Variants in PLEKHA6 observed in about 807,000 individuals in gnomAD.
PLEKHA6 encodes pleckstrin homology domain containing A6, also known as pleckstrin homology domain-containing family A member 6.
In PLEKHA6, 60 loss-of-function variants were observed where a neutral mutation model predicts 116.7. The observed-to-expected ratio is 0.51, with a 90% CI of 0.42 to 0.64. The LOEUF (loss-of-function observed/expected upper bound fraction) is 0.64, where lower values mean the gene tolerates loss of function less well. Among genes scored for constraint, PLEKHA6 ranks in the 30% least tolerant of loss-of-function variants. PLEKHA6 has a pLI of 0.00. For missense variants in PLEKHA6, 1,338 were observed against 1,422.7 expected, an observed-to-expected ratio of 0.94 and a Z score of 0.96; for synonymous variants, 489 against 556.1, an observed-to-expected ratio of 0.88 and a Z score of 1.70.
At chr1:204,248,394 T>A (rs917667177) in intron 12 of PLEKHA6, among the ~76,000 whole-genome samples, 1 of 151,982 alleles carries the variant, frequency 6.6e-6, no homozygotes, top group Non-Finnish European at 1.5e-5. Context: ...CCTCAGGTGA[T>A]CCACCCGCCT....
intron 17 of PLEKHA6, among the ~76,000 whole-genome samples, chr1:204,232,799 G>T (rs995401079): frequency 6.6e-6 from 1 of 152,138 alleles, no homozygotes; most frequent in Non-Finnish European, 1.5e-5. Flanking sequence ...AGTCTCTGTG[G>T]TCCCAGAGGG....
chr1:204,228,228 A>G lies in PLEKHA6; in HGVS notation c.2886T>C (p.Ser962=), dbSNP rs117391770. 5.9e-4 allele frequency: 938 copies of G among 1,599,148 alleles called. 9 individuals carry two copies. In the East Asian group the frequency reaches 0.015, roughly 26 times the overall value. The change falls in exon 21 of 23, where the codon AGT becomes AGC. Residue 962 remains serine, a splice_region_variant and synonymous_variant. Coordinates refer to ENST00000272203, the MANE Select transcript of PLEKHA6 (RefSeq NM_014935.5). The surrounding 1 kb of genome is among the most constrained non-coding windows in gnomAD (Gnocchi z 4.0). ...ERIKTLIAKS[S]MQNVVPIGEG... is the part of the protein sequence containing the mutation. ...CGCCGATGGGCACCACGTTCTGCATACTGAAGAGGCACAGACACACAGAAA... is the reference window on the plus strand; with the variant it reads ...CGCCGATGGGCACCACGTTCTGCATGCTGAAGAGGCACAGACACACAGAAA...
chr1:204,233,179 TTC>T (rs1260636881), intron 17 of PLEKHA6, among the ~76,000 whole-genome samples: 3 of 124,872 alleles, frequency 2.4e-5, no homozygotes, highest in Non-Finnish European at 4.9e-5. Flanking sequence ...TTCTTTTTTT[TTC>T]TTTTTCTTTT....
chr1:204,344,505 CAGG>C (rs1672959654), intron 1 of PLEKHA6, among the ~76,000 whole-genome samples: 1 of 149,616 alleles, frequency 6.7e-6, no homozygotes, highest in Admixed American at 6.7e-5. Context: ...GAGGCTGAGG[CAGG>C]AGAATTGCTT....
intron 5 of PLEKHA6, among the ~76,000 whole-genome samples, chr1:204,266,208 G>C (rs1297286266): frequency 6.6e-6 from 1 of 152,188 alleles, no homozygotes; most frequent in Non-Finnish European, 1.5e-5. Context: ...AGAGTAGTAG[G>C]AGGCACTTGG....
At chr1:204,310,214 G>C (rs2103149874) in intron 1 of PLEKHA6, among the ~76,000 whole-genome samples, 1 of 152,196 alleles carries the variant, frequency 6.6e-6, no homozygotes, top group Middle Eastern at 3.4e-3. Flanking sequence ...GCATAGATGA[G>C]AGATAGATCG....
At chr1:204,286,910 C>T (rs1558140791) in intron 1 of PLEKHA6, among the ~76,000 whole-genome samples, 1 of 152,206 alleles carries the variant, frequency 6.6e-6, no homozygotes, top group African/African-American at 2.4e-5. Flanking sequence ...CCTGCTGGGT[C>T]TAGTGGCTGG....
At chr1:204,322,355 G>A (rs780596728) in intron 1 of PLEKHA6, among the ~76,000 whole-genome samples, 9 of 152,182 alleles carry the variant, frequency 5.9e-5, no homozygotes, top group Non-Finnish European at 1.0e-4. Flanking sequence ...TAAACTGGAT[G>A]ACTTTAGTCC....
rs73075567 is a variant in PLEKHA6 at position 204,277,301 on chromosome 1, T to C, written c.-94-2492A>G. ...TGGTATTCGGCCAGAATGCTACTGG[T>C]CAGAGGACTGGAGGCAGAATAAACA... On this transcript the variant is annotated intron_variant, in intron 1 of 22. Transcript: ENST00000272203. The surrounding 1 kb of genome is among the most constrained non-coding windows in gnomAD (Gnocchi z 4.1). Among the ~76,000 whole-genome samples, 6,376 of 152,090 alleles carry C rather than the reference T, an allele frequency of 0.042. 425 individuals carry two copies. Among genetic ancestry groups the C allele is most frequent in the African/African-American group, 0.14 (5,808 of 41,460 alleles).
intron 12 of PLEKHA6, among the ~76,000 whole-genome samples, chr1:204,248,021 G>A (rs1406052838): frequency 6.6e-6 from 1 of 152,104 alleles, no homozygotes; most frequent in East Asian, 1.9e-4. Flanking sequence ...ATTATTCAGA[G>A]GTTAGAGAGC....
At position 204,277,062 on chromosome 1, in the gene PLEKHA6, CAG is replaced by C. The variant is rs1668093324; in HGVS notation, c.-94-2255_-94-2254del. On this transcript the variant is annotated intron_variant, in intron 1 of 22. Coordinates refer to ENST00000272203, the MANE Select transcript of PLEKHA6 (RefSeq NM_014935.5). The surrounding 1 kb of genome is among the most constrained non-coding windows in gnomAD (Gnocchi z 4.1). ...AGCTCCGTCCCCAGTTTGGCAGCCT[CAG>C]AGGACCCGCCGGCCACCCTGATCCT... 1 of 152,770 alleles carries C rather than the reference CAG, an allele frequency of 6.5e-6. No homozygotes were observed. The highest frequency in any genetic ancestry group is 2.4e-5 in the African/African-American group (1 of 41,458). 9.5% of individuals were successfully genotyped at this position (152,770 alleles called of 1,614,324 possible).
At chr1:204,263,650 C>T (rs1351601848) in intron 6 of PLEKHA6, among the ~76,000 whole-genome samples, 1 of 152,204 alleles carries the variant, frequency 6.6e-6, no homozygotes, top group African/African-American at 2.4e-5. Flanking sequence ...GTTTATCTCA[C>T]GCCTGCTGCT....
intron 1 of PLEKHA6, among the ~76,000 whole-genome samples, chr1:204,295,921 C>T (rs997029342): frequency 2.6e-5 from 4 of 152,130 alleles, no homozygotes; most frequent in South Asian, 2.1e-4. Flanking sequence ...TAACTATAAA[C>T]GGAAACTCAA....
chr1:204,370,478 C>T (rs1477255161), intron 2 of PLEKHA6, among the ~76,000 whole-genome samples: 2 of 152,212 alleles, frequency 1.3e-5, no homozygotes, highest in African/African-American at 2.4e-5. Flanking sequence ...CCCGTGGTGG[C>T]GTCATGAGGA....
At chr1:204,354,894 C>T (rs1451421980) in intron 1 of PLEKHA6, among the ~76,000 whole-genome samples, 1 of 152,238 alleles carries the variant, frequency 6.6e-6, no homozygotes, top group Admixed American at 6.5e-5. Context: ...ACAGGGGCTG[C>T]AGGAGTACCA....
rs758554455 is a variant in PLEKHA6 at position 204,228,162 on chromosome 1, C to G, written c.2952G>C (p.Gln984His). ...CAATCCGCTTCTCCTGCTCCTGCAG[C>G]TGGCTCTCTGAGTCCTGGGGCACGT... ...SVDVPQDSESQLQEQEKRIEI... is the reference protein window; with the variant it reads ...SVDVPQDSESHLQEQEKRIEI... Residue 984 changes from glutamine (Q) to histidine (H), a missense_variant, in exon 21 of 23, where the codon CAG becomes CAC. Transcript: ENST00000272203. The surrounding 1 kb of genome is among the most constrained non-coding windows in gnomAD (Gnocchi z 4.0). The G allele has an allele frequency of 8.1e-6, 13 of 1,613,502 alleles. No individual in the cohort carries two copies. The highest frequency in any genetic ancestry group is 1.1e-5 in the Non-Finnish European group (13 of 1,179,602).
At chr1:204,226,650 C>T (rs1660407210) in intron 21 of PLEKHA6, among the ~76,000 whole-genome samples, 1 of 152,192 alleles carries the variant, frequency 6.6e-6, no homozygotes, top group South Asian at 2.1e-4. Flanking sequence ...TTACCCTCAA[C>T]TCCAGCCTAA....
chr1:204,324,786 A>G (rs755567099), intron 1 of PLEKHA6, among the ~76,000 whole-genome samples: 1 of 152,220 alleles, frequency 6.6e-6, no homozygotes, highest in Non-Finnish European at 1.5e-5. Flanking sequence ...CCATTCATTA[A>G]AAGGGTATTG....
At chr1:204,296,296 T>C in intron 1 of PLEKHA6, among the ~76,000 whole-genome samples, 1 of 152,116 alleles carries the variant, frequency 6.6e-6, no homozygotes, top group Admixed American at 6.5e-5. Flanking sequence ...TCAGCACTAT[T>C]TCTCTTTCCT....
Sources: gnomAD v4.1 joint callset for allele counts (sites outside exome capture counted in the v4.1 genomes callset) on GRCh38, gnomAD v4.1.1 for gene constraint, Gnocchi (gnomAD v3.1) non-coding constraint, MANE v1.5 for transcripts, NCBI Gene and HGNC (gene_info 2026-07-23, HGNC 2026-07-21) for gene names.